The following RPRD1A variants were observed in gnomAD, a reference collection of about 807,000 sequenced individuals.
The protein encoded by RPRD1A is regulation of nuclear pre-mRNA domain containing 1A, also known as regulation of nuclear pre-mRNA domain-containing protein 1A.
A neutral mutation model predicts 37.8 loss-of-function variants in RPRD1A; 9 were observed. That is an observed-to-expected ratio of 0.24 (90% CI 0.14 to 0.42). The LOEUF (loss-of-function observed/expected upper bound fraction) is 0.42. RPRD1A is among the 10% of genes least tolerant of loss of function. RPRD1A has a pLI of 1.00. For synonymous variants in RPRD1A, 138 were observed against 139.7 expected (o/e 0.99, Z 0.08); for missense variants, 255 against 371.0 (o/e 0.69, Z 2.57).
intron 6 of RPRD1A, among the ~76,000 whole-genome samples, chr18:35,993,986 A>G (rs1210728234): frequency 2.6e-5 from 4 of 151,922 alleles, no homozygotes; most frequent in Admixed American, 6.6e-5. Context: ...CTCACCCCCA[A>G]CTCATGAGGA....
intron 1 of RPRD1A, among the ~76,000 whole-genome samples, chr18:36,044,650 C>T (rs1333630836): frequency 1.3e-5 from 2 of 151,194 alleles, no homozygotes; most frequent in African/African-American, 2.4e-5. Context: ...ATGACACCAC[C>T]GCACTCCAGC....
chr18:36,030,647 C>T (rs1911711104), intron 4 of RPRD1A, among the ~76,000 whole-genome samples, 161 bp downstream of exon 4: 1 of 152,096 alleles, frequency 6.6e-6, no homozygotes, highest in African/African-American at 2.4e-5. Flanking sequence ...CTACATTTAA[C>T]ATAAGCAATT....
At chr18:36,003,727 TTTAG>T (rs569011736) in intron 6 of RPRD1A, among the ~76,000 whole-genome samples, 203 of 152,340 alleles carry the variant, frequency 1.3e-3, no homozygotes, top group South Asian at 4.6e-3. Flanking sequence ...AGGTTCGTAT[TTTAG>T]TTAAACTTCT....
chr18:36,062,172 C>A (rs544105232), intron 1 of RPRD1A, among the ~76,000 whole-genome samples: 3 of 151,308 alleles, frequency 2.0e-5, no homozygotes, highest in South Asian at 2.1e-4. Context: ...AAAAAATTAG[C>A]CGGGCGCGGT....
intron 6 of RPRD1A, among the ~76,000 whole-genome samples, chr18:35,996,685 T>C (rs1909082613): frequency 1.3e-5 from 2 of 152,116 alleles, no homozygotes; most frequent in Admixed American, 6.5e-5. Flanking sequence ...TGCAACTTGG[T>C]TAAAAATACT....
intron 1 of RPRD1A, among the ~76,000 whole-genome samples, chr18:36,066,037 GACTTTTCAAAGTT>G (rs2089023096): frequency 1.3e-5 from 2 of 152,136 alleles, no homozygotes; most frequent in South Asian, 4.1e-4. Context: ...GCTAATTCCT[GACTTTTCAAAGTT>G]CACAGCTACT....
At chr18:36,032,819 A>G (rs927823085) in intron 2 of RPRD1A, among the ~76,000 whole-genome samples, 1 of 152,178 alleles carries the variant, frequency 6.6e-6, no homozygotes, top group African/African-American at 2.4e-5. Flanking sequence ...GCAAGGACAT[A>G]ATGAGTTCTG....
At chr18:35,996,802 C>G (rs573305934) in intron 6 of RPRD1A, among the ~76,000 whole-genome samples, 93 of 151,814 alleles carry the variant, frequency 6.1e-4, no homozygotes, top group African/African-American at 2.2e-3. Flanking sequence ...TAAGGTGAAA[C>G]TTTTTGTCTC....
At chr18:36,002,547 T>C (rs1029743134) in intron 6 of RPRD1A, among the ~76,000 whole-genome samples, 1 of 152,044 alleles carries the variant, frequency 6.6e-6, no homozygotes, top group African/African-American at 2.4e-5. Flanking sequence ...TGTCGGTAAT[T>C]TTTTTTCCCC....
intron 6 of RPRD1A, among the ~76,000 whole-genome samples, chr18:36,017,136 A>G (rs776539083): frequency 3.9e-5 from 6 of 152,048 alleles, no homozygotes; most frequent in Non-Finnish European, 8.8e-5. Flanking sequence ...ACGGTGAAAC[A>G]CTGTCTCTAC....
At chr18:36,049,580 C>A (rs1226026574) in intron 1 of RPRD1A, among the ~76,000 whole-genome samples, 1 of 152,184 alleles carries the variant, frequency 6.6e-6, no homozygotes, top group African/African-American at 2.4e-5. Context: ...TCTTTTGTGA[C>A]TAGTTTAATT....
chr18:35,999,924 C>A (rs1407322936), intron 6 of RPRD1A, among the ~76,000 whole-genome samples: 1 of 152,164 alleles, frequency 6.6e-6, no homozygotes, highest in African/African-American at 2.4e-5. Flanking sequence ...TAAGAAGCTT[C>A]AGTTCTCATT....
At chr18:36,022,946 C>G (rs569557962) in intron 6 of RPRD1A, among the ~76,000 whole-genome samples, 2 of 152,152 alleles carry the variant, frequency 1.3e-5, no homozygotes, top group Non-Finnish European at 2.9e-5. Context: ...GGTGACAGAA[C>G]AAGAGACTGT....
At chr18:36,037,039 T>A (rs1479091435) in intron 1 of RPRD1A, among the ~76,000 whole-genome samples, 1 of 152,184 alleles carries the variant, frequency 6.6e-6, no homozygotes, top group Non-Finnish European at 1.5e-5. Flanking sequence ...AGACTAAAAT[T>A]AACGTTTCCT....
At chr18:36,066,714 A>T (rs2089037864) in intron 1 of RPRD1A, among the ~76,000 whole-genome samples, 1 of 152,248 alleles carries the variant, frequency 6.6e-6, no homozygotes, top group East Asian at 1.9e-4. Context: ...TGCAACGCAG[A>T]AGTTATAAGA....
chr18:36,038,954 ATTTG>A (rs1363689918), intron 1 of RPRD1A, among the ~76,000 whole-genome samples: 1 of 152,096 alleles, frequency 6.6e-6, no homozygotes, highest in Non-Finnish European at 1.5e-5. Context: ...GAAGTAACTA[ATTTG>A]TTTTTTATTT....
chr18:36,025,854 T>TA (rs148504378), intron 6 of RPRD1A: 30,922 of 261,068 alleles, frequency 0.12, 674 homozygotes, highest in Middle Eastern at 0.14. Context: ...ATTCATCTTT[T>TA]AAAAAAAAAA....
chr18:36,061,984 T>C (rs2088919974), intron 1 of RPRD1A, among the ~76,000 whole-genome samples: 1 of 152,154 alleles, frequency 6.6e-6, no homozygotes, highest in Non-Finnish European at 1.5e-5. Flanking sequence ...AGCAAGGATG[T>C]AGAAAAACTG....
At chr18:36,063,974 A>G (rs887387347) in intron 1 of RPRD1A, 2 of 152,270 alleles carry the variant, frequency 1.3e-5, no homozygotes, top group Non-Finnish European at 2.9e-5. Flanking sequence ...ACACTTAAAC[A>G]TATGGAAACA....
Sources: gnomAD v4.1 joint callset for allele counts (sites outside exome capture counted in the v4.1 genomes callset) on GRCh38, gnomAD v4.1.1 for gene constraint, MANE v1.5 for transcripts, NCBI Gene and HGNC (gene_info 2026-07-23, HGNC 2026-07-21) for gene names.